The following GLI3 variants were observed in gnomAD, a reference collection of about 807,000 sequenced individuals.
GLI3 encodes the protein GLI family zinc finger 3, also known as transcription activator GLI3.
GLI3 carries 20 observed loss-of-function variants against 100.8 expected under a neutral mutation model. That is an observed-to-expected ratio of 0.20 (90% CI 0.14 to 0.29). The LOEUF is 0.29. Ranked by LOEUF, GLI3 falls within the 10% of genes least tolerant of loss-of-function variation. The pLI is 1.00. For missense variants in GLI3, 2,040 were observed against 2,128.5 expected, an observed-to-expected ratio of 0.96 and a Z score of 0.82; for synonymous variants, 938 against 860.5, an observed-to-expected ratio of 1.09 and a Z score of -1.58.
At chr7:42,041,548 G>A (rs1784137807) in intron 6 of GLI3, among the ~76,000 whole-genome samples, 1 of 152,132 alleles carries the variant, frequency 6.6e-6, no homozygotes, top group Non-Finnish European at 1.5e-5. Flanking sequence ...AAAATGAAGA[G>A]TTTCTAACAC....
intron 10 of GLI3, among the ~76,000 whole-genome samples, chr7:42,009,329 A>G (rs1483391058): frequency 6.6e-6 from 1 of 152,164 alleles, no homozygotes; most frequent in African/African-American, 2.4e-5. Context: ...ATTTTATCTT[A>G]TAACAGGACA....
chr7:42,030,747 C>T, intron 7 of GLI3, among the ~76,000 whole-genome samples: 1 of 141,128 alleles, frequency 7.1e-6, no homozygotes, highest in Non-Finnish European at 1.5e-5. Context: ...GAGATGGAGA[C>T]TCGTTCTGTC....
At chr7:42,041,964 C>T (rs1484927924) in intron 6 of GLI3, among the ~76,000 whole-genome samples, 1 of 151,876 alleles carries the variant, frequency 6.6e-6, no homozygotes, top group Non-Finnish European at 1.5e-5. Flanking sequence ...GTTTCATTAC[C>T]AGCCTGATTT....
At chr7:42,179,843 C>G (rs376933587) in intron 2 of GLI3, among the ~76,000 whole-genome samples, 2 of 152,258 alleles carry the variant, frequency 1.3e-5, no homozygotes, top group African/African-American at 4.8e-5. Flanking sequence ...AAAGGTGTAG[C>G]AGCCTGAAGT....
chr7:42,049,122 AAAG>A (rs1218669307), intron 4 of GLI3, among the ~76,000 whole-genome samples: 1 of 152,194 alleles, frequency 6.6e-6, no homozygotes, highest in Non-Finnish European at 1.5e-5. Context: ...AAAGAAAAGA[AAAG>A]AAAAAAGAAA....
At chr7:42,220,355 A>G (rs1788462197) in intron 2 of GLI3, among the ~76,000 whole-genome samples, 1 of 152,190 alleles carries the variant, frequency 6.6e-6, no homozygotes, top group African/African-American at 2.4e-5. Context: ...AAGAGAAAAG[A>G]TAGGAAGAGG....
intron 13 of GLI3, among the ~76,000 whole-genome samples, chr7:41,970,988 T>A (rs1226666315): frequency 6.6e-6 from 1 of 152,214 alleles, no homozygotes; most frequent in East Asian, 1.9e-4. Context: ...CTTATTAAGA[T>A]ACTTTTTTAA....
At chr7:42,238,430 T>C (rs571178764), upstream of GLI3, among the ~76,000 whole-genome samples, 1 of 152,348 alleles carries the variant, frequency 6.6e-6, no homozygotes, top group South Asian at 2.1e-4. Context: ...CGCGGGATGA[T>C]GCCTTTGGAA....
At chr7:41,978,117 C>T (rs1261741410) in intron 11 of GLI3, among the ~76,000 whole-genome samples, 2 of 152,154 alleles carry the variant, frequency 1.3e-5, no homozygotes, top group African/African-American at 4.8e-5. Context: ...ATGTAAAGTA[C>T]CAGGGCTCAG....
In GLI3 at chr7:41,966,214, C is replaced by A; in HGVS notation, c.2859G>T (p.Leu953=). The change falls in exon 15 of 15, where the codon CTG becomes CTT. Residue 953 remains leucine (L), a synonymous_variant. Coordinates refer to ENST00000395925, the MANE Select transcript of GLI3 (RefSeq NM_000168.6). The surrounding 1 kb of genome is among the most constrained non-coding windows in gnomAD (Gnocchi z 5.8). The stretch of plus-strand genomic sequence containing the variant: ...CCCCGAGCAGCGCCAGGCGCGTCTT[C>A]AGGCTCATCCTCTCCATGTTGGGCA... ...TPLPNMERMS[L]KTRLALLGDA... is the part of the protein sequence containing the mutation. 1 of 1,608,208 alleles carries A rather than the reference C, an allele frequency of 6.2e-7. No individual in the cohort carries two copies. Among genetic ancestry groups the A allele is most frequent in the Non-Finnish European group, 8.5e-7 (1 of 1,178,896 alleles).
At chr7:42,151,456 A>G (rs796333609) in intron 2 of GLI3, 10 of 152,226 alleles carry the variant, frequency 6.6e-5, no homozygotes, top group African/African-American at 2.4e-4. Flanking sequence ...GTTGTTCAAT[A>G]AAGTTTGAGA....
At chr7:41,988,172 G>A (rs1445214003) in intron 10 of GLI3, among the ~76,000 whole-genome samples, 1 of 152,102 alleles carries the variant, frequency 6.6e-6, no homozygotes, top group Non-Finnish European at 1.5e-5. Flanking sequence ...ATTAAGAGAT[G>A]GGGCCTTGGC....
chr7:42,149,128 G>C (rs1001567784), intron 2 of GLI3, among the ~76,000 whole-genome samples: 1 of 152,168 alleles, frequency 6.6e-6, no homozygotes, highest in Non-Finnish European at 1.5e-5. Flanking sequence ...AGAGCCTCTC[G>C]TGAGATACTT....
rs139461241 is a variant in GLI3 at position 42,055,249 on chromosome 7, A to G, written c.474-6553T>C. Among the ~76,000 whole-genome samples, 135 of 152,058 alleles carry G rather than the reference A, an allele frequency of 8.9e-4. 1 individual carries two copies. Among genetic ancestry groups the G allele is most frequent in the African/African-American group, 3.0e-3 (124 of 41,476 alleles). On this transcript the variant is annotated intron_variant, in intron 4 of 14. Transcript: ENST00000395925. Reference sequence around the variant, plus strand: ...CTATACTTTTTTTTCCCTCTATGCAAGGTAAGCTTTCAGATAACCTCTGCC... The same window carrying G: ...CTATACTTTTTTTTCCCTCTATGCAGGGTAAGCTTTCAGATAACCTCTGCC...
chr7:42,187,805 C>T (rs1377041775), intron 2 of GLI3, among the ~76,000 whole-genome samples: 1 of 151,816 alleles, frequency 6.6e-6, no homozygotes, highest in African/African-American at 2.4e-5. Context: ...GAGATCCAGA[C>T]CATCCTGACT....
chr7:42,048,401 T>C, intron 5 of GLI3, 90 bp downstream of exon 5: 1 of 901,166 alleles, frequency 1.1e-6, no homozygotes, highest in Non-Finnish European at 1.9e-6. Flanking sequence ...AAACACTCAC[T>C]AAACATCAGG....
intron 2 of GLI3, among the ~76,000 whole-genome samples, chr7:42,159,726 G>T (rs866840351): frequency 5.3e-5 from 8 of 152,166 alleles, no homozygotes; most frequent in Middle Eastern, 3.4e-3. Context: ...GAGCAAAAAA[G>T]ACCTAAATAA....
chr7:42,156,498 A>T (rs1787007294), intron 2 of GLI3, among the ~76,000 whole-genome samples: 1 of 152,202 alleles, frequency 6.6e-6, no homozygotes, highest in Admixed American at 6.5e-5. Flanking sequence ...TTAGTCTTTG[A>T]CAAGCAAAGA....
intron 2 of GLI3, among the ~76,000 whole-genome samples, chr7:42,169,582 C>T (rs1787319280): frequency 6.6e-6 from 1 of 152,194 alleles, no homozygotes. Flanking sequence ...AATGTATATA[C>T]TGGTTGGCCC....
Sources: allele counts gnomAD v4.1 joint callset (sites outside exome capture counted in the v4.1 genomes callset), GRCh38; gene constraint gnomAD v4.1.1; non-coding constraint Gnocchi (gnomAD v3.1); transcripts MANE v1.5; gene names NCBI Gene and HGNC (gene_info 2026-07-23, HGNC 2026-07-21).